Variants in SDK2 observed in about 807,000 individuals in gnomAD.
The protein encoded by SDK2 is protein sidekick-2.
A neutral mutation model predicts 253.9 loss-of-function variants in SDK2; 105 were observed. That is an observed-to-expected ratio of 0.41 (90% CI 0.35 to 0.49). The LOEUF (loss-of-function observed/expected upper bound fraction) is 0.49. Among genes scored for constraint, SDK2 ranks in the 20% least tolerant of loss-of-function variants. The pLI is 0.06. For synonymous variants in SDK2, 1,249 were observed against 1,234.9 expected (o/e 1.01, Z -0.24); for missense variants, 2,608 against 3,003.0 (o/e 0.87, Z 3.07).
intron 3 of SDK2, among the ~76,000 whole-genome samples, chr17:73,457,651 T>C (rs2063538217): frequency 6.6e-6 from 1 of 151,772 alleles, no homozygotes; most frequent in Non-Finnish European, 1.5e-5. Context: ...GTGCCCAGCC[T>C]ACATCACCCC....
In SDK2 at chr17:73,534,016, C is replaced by G. The variant is rs567218246; in HGVS notation, c.65-26419G>C. Among the ~76,000 whole-genome samples the G allele has an allele frequency of 2.0e-5, 3 of 152,264 alleles. No homozygotes were observed. The highest frequency in any genetic ancestry group is 7.2e-5 in the African/African-American group (3 of 41,564). ...CAACATCTGCACCTCCGCTTGCAGC[C>G]AAGACGCCATTCTGCTCCGCCTGCT... On this transcript the variant is annotated intron_variant, in intron 1 of 44. Coordinates refer to ENST00000392650, the MANE Select transcript of SDK2 (RefSeq NM_001144952.2). The surrounding 1 kb of genome is among the most constrained non-coding windows in gnomAD (Gnocchi z 4.9).
At chr17:73,614,578 G>A (rs1264009847) in intron 1 of SDK2, among the ~76,000 whole-genome samples, 29 of 104,860 alleles carry the variant, frequency 2.8e-4, no homozygotes, top group East Asian at 5.1e-4. Context: ...AAAAGGGGGA[G>A]GGAGGGAGGG....
chr17:73,429,590 G>A (rs1000081747), intron 12 of SDK2, among the ~76,000 whole-genome samples: 1 of 152,222 alleles, frequency 6.6e-6, no homozygotes, highest in African/African-American at 2.4e-5. Context: ...AGCTGCCTTC[G>A]GCATGAGGAG....
At chr17:73,483,623 A>ATG (rs2063745637) in intron 2 of SDK2, among the ~76,000 whole-genome samples, 2 of 122,724 alleles carry the variant, frequency 1.6e-5, no homozygotes, top group African/African-American at 6.2e-5. Flanking sequence ...ATGTATATAT[A>ATG]TGTATATGTA....
chr17:73,447,802 C>A lies in SDK2; in HGVS notation c.480-54G>T. On this transcript the variant is annotated intron_variant, in intron 4 of 44. Coordinates refer to ENST00000392650, the MANE Select transcript of SDK2 (RefSeq NM_001144952.2). This position sits in a 1 kb window ranked among gnomAD's most constrained non-coding sequence, Gnocchi z 4.0. Reference sequence around the variant, plus strand: ...AGGGGCCTAAGGGGCTCTGAACCTCCAGGGAGTGGGAGTGGAAACCCTAAG... The same window carrying A: ...AGGGGCCTAAGGGGCTCTGAACCTCAAGGGAGTGGGAGTGGAAACCCTAAG... 1.3e-6 allele frequency: 2 copies of A among 1,548,644 alleles called. No individual in the cohort carries two copies. Among genetic ancestry groups the A allele is most frequent in the African/African-American group, 2.7e-5 (2 of 73,070 alleles).
At chr17:73,539,426 G>A (rs2044830022) in intron 1 of SDK2, among the ~76,000 whole-genome samples, 1 of 151,598 alleles carries the variant, frequency 6.6e-6, no homozygotes, top group Non-Finnish European at 1.5e-5. Flanking sequence ...GCTCGGCTCA[G>A]CACAGCCAGG....
At chr17:73,385,963 A>C (rs747517758) in intron 31 of SDK2, 46 bp from the exon 32 acceptor site, 1 of 1,438,762 alleles carries the variant, frequency 7.0e-7, no homozygotes, top group East Asian at 2.4e-5. Flanking sequence ...CGCAGCTTCA[A>C]GTTCCCCAGG....
At chr17:73,546,586 A>T (rs1412996390) in intron 1 of SDK2, among the ~76,000 whole-genome samples, 1 of 152,166 alleles carries the variant, frequency 6.6e-6, no homozygotes, top group Non-Finnish European at 1.5e-5. Flanking sequence ...GTGTCTGGGC[A>T]AGGTCCCTCT....
At chr17:73,526,018 G>A (rs941859179) in intron 1 of SDK2, among the ~76,000 whole-genome samples, 5 of 152,206 alleles carry the variant, frequency 3.3e-5, no homozygotes, top group African/African-American at 1.2e-4. Context: ...ACAAGTGCGC[G>A]ACAGAGTGAA....
intron 37 of SDK2, among the ~76,000 whole-genome samples, chr17:73,366,143 T>G (rs9908457): frequency 3.3e-5 from 5 of 152,006 alleles, no homozygotes; most frequent in Non-Finnish European, 7.4e-5. Flanking sequence ...AATCCGGACC[T>G]GCTTCCGGCT....
intron 18 of SDK2, among the ~76,000 whole-genome samples, chr17:73,412,690 C>T (rs992613391): frequency 1.3e-5 from 2 of 151,944 alleles, no homozygotes; most frequent in Admixed American, 6.6e-5. Flanking sequence ...CCGAGGCAGT[C>T]GAATTACTTG....
Position 73,570,603 on chromosome 17 carries a change from A to ACACCACCATCAGCT in SDK2, c.65-63020_65-63007dup, listed in dbSNP as rs2045371519. ...GCGCTGACTACCCGTGAGGCACTGA[A>ACACCACCATCAGCT]CACCACCATCAGCTCACCGCCATCT... is the stretch of plus-strand genomic sequence containing the variant. On this transcript the variant is annotated intron_variant, in intron 1 of 44. Transcript: ENST00000392650. The surrounding 1 kb of genome is among the most constrained non-coding windows in gnomAD (Gnocchi z 4.2). 6.6e-6 allele frequency among the ~76,000 whole-genome samples: 1 copy of ACACCACCATCAGCT among 152,164 alleles called. No homozygotes were observed. The highest frequency in any genetic ancestry group is 2.1e-4 in the South Asian group (1 of 4,824).
intron 18 of SDK2, among the ~76,000 whole-genome samples, chr17:73,403,411 C>G (rs1344525651): frequency 1.3e-5 from 2 of 152,142 alleles, no homozygotes; most frequent in Non-Finnish European, 2.9e-5. Context: ...CTCTGCAGAT[C>G]ACACCTGGCC....
At chr17:73,353,821 A>C (rs1485499418) in intron 40 of SDK2, among the ~76,000 whole-genome samples, 1 of 147,630 alleles carries the variant, frequency 6.8e-6, no homozygotes, top group African/African-American at 2.5e-5. Context: ...TTCCTACCTC[A>C]GCCTCCCGGA....
intron 2 of SDK2, among the ~76,000 whole-genome samples, chr17:73,489,463 G>C (rs2063790940): frequency 6.6e-6 from 1 of 152,240 alleles, no homozygotes; most frequent in African/African-American, 2.4e-5. Flanking sequence ...ACCAGGCAGG[G>C]ATTGGTGAGT....
chr17:73,390,261 C>T (rs779184179), intron 29 of SDK2, 26 bp downstream of exon 29: 9 of 1,530,246 alleles, frequency 5.9e-6, no homozygotes, highest in Non-Finnish European at 6.1e-6. Context: ...GCCCCCAAGC[C>T]TTCCCTGGCC....
chr17:73,440,086 G>T (rs1019535683), intron 6 of SDK2, among the ~76,000 whole-genome samples: 2 of 151,008 alleles, frequency 1.3e-5, no homozygotes, highest in Non-Finnish European at 2.9e-5. Context: ...CCCCTGATCT[G>T]CCCTACTCCA....
chr17:73,519,566 CA>C (rs58151206), intron 1 of SDK2: 42,190 of 152,044 alleles, frequency 0.28, 5,987 homozygotes, highest in East Asian at 0.34. Context: ...CTGAGCAGCG[CA>C]TGTTTACCCA....
intron 1 of SDK2, among the ~76,000 whole-genome samples, chr17:73,588,862 G>A (rs530140555): frequency 6.6e-6 from 1 of 152,360 alleles, no homozygotes; most frequent in South Asian, 2.1e-4. Flanking sequence ...ACTCCTCTAC[G>A]TGGCGCAGGT....
Sources: allele counts gnomAD v4.1 joint callset (sites outside exome capture counted in the v4.1 genomes callset), GRCh38; gene constraint gnomAD v4.1.1; non-coding constraint Gnocchi (gnomAD v3.1); transcripts MANE v1.5; gene names NCBI Gene and HGNC (gene_info 2026-07-23, HGNC 2026-07-21).